PACSIN2: variants seen among roughly 807,000 people sequenced by gnomAD.
The protein encoded by PACSIN2 is protein kinase C and casein kinase substrate in neurons 2, also known as protein kinase C and casein kinase substrate in neurons protein 2.
In PACSIN2, 25 loss-of-function variants were observed where a neutral mutation model predicts 63.8. The ratio of observed to expected loss-of-function variants is 0.39; its 90% CI spans 0.29 to 0.55. PACSIN2 has a LOEUF of 0.55. Ranked by LOEUF, PACSIN2 falls within the 20% of genes least tolerant of loss-of-function variation. The pLI is 0.62. For missense variants in PACSIN2, 518 were observed against 646.9 expected, an observed-to-expected ratio of 0.80 and a Z score of 2.16; for synonymous variants, 255 against 256.2, an observed-to-expected ratio of 1.00 and a Z score of 0.05.
chr22:42,915,516 C>T (rs1223300661), intron 1 of PACSIN2, among the ~76,000 whole-genome samples: 2 of 152,174 alleles, frequency 1.3e-5, no homozygotes, highest in Non-Finnish European at 2.9e-5. Context: ...GCGTACCCCA[C>T]GGGTATCCCC....
chr22:42,946,897 C>G (rs1453502560), intron 1 of PACSIN2: 1 of 152,296 alleles, frequency 6.6e-6, no homozygotes, highest in African/African-American at 2.4e-5. Flanking sequence ...GTCCGGGTAC[C>G]TGCGCTTCCC....
At chr22:42,964,626 TGGCACAGGGCA>T (rs1920938062) in intron 1 of PACSIN2, among the ~76,000 whole-genome samples, 1 of 152,038 alleles carries the variant, frequency 6.6e-6, no homozygotes, top group Admixed American at 6.5e-5. Context: ...CCTGGCAGCC[TGGCACAGGGCA>T]GGCTCTACAG....
At chr22:42,960,359 T>A (rs1934087397) in intron 1 of PACSIN2, among the ~76,000 whole-genome samples, 1 of 152,120 alleles carries the variant, frequency 6.6e-6, no homozygotes, top group Non-Finnish European at 1.5e-5. Flanking sequence ...AACAAGGCAA[T>A]GCCTGTCAGC....
intron 1 of PACSIN2, among the ~76,000 whole-genome samples, chr22:42,956,673 G>T (rs1025659592): frequency 9.9e-5 from 15 of 152,132 alleles, no homozygotes; most frequent in African/African-American, 3.6e-4. Context: ...CTGGAGAGCT[G>T]CCCTGGACAG....
intron 1 of PACSIN2, among the ~76,000 whole-genome samples, chr22:42,951,846 C>A (rs1373709908): frequency 6.7e-6 from 1 of 148,518 alleles, no homozygotes; most frequent in Non-Finnish European, 1.5e-5. Context: ...GCCAGTCTCG[C>A]TCCTTCCAAT....
At chr22:43,001,294 G>C (rs1469993018) in intron 1 of PACSIN2, among the ~76,000 whole-genome samples, 1 of 152,196 alleles carries the variant, frequency 6.6e-6, no homozygotes, top group Non-Finnish European at 1.5e-5. Context: ...GATGACCAGA[G>C]GCTTCCATGA....
chr22:42,939,147 C>T (rs150734907), intron 1 of PACSIN2, among the ~76,000 whole-genome samples: 3 of 152,276 alleles, frequency 2.0e-5, no homozygotes, highest in East Asian at 1.9e-4. Flanking sequence ...GAGCTAACAG[C>T]GTGTAATTAG....
intron 5 of PACSIN2, among the ~76,000 whole-genome samples, chr22:42,887,372 C>T (rs988893446): frequency 3.3e-5 from 5 of 152,332 alleles, no homozygotes; most frequent in Admixed American, 6.5e-5. Context: ...CTGGATGGCA[C>T]GTGACTTAAC....
At chr22:42,920,981 A>C (rs1266908983) in intron 1 of PACSIN2, among the ~76,000 whole-genome samples, 1 of 151,656 alleles carries the variant, frequency 6.6e-6, no homozygotes, top group Non-Finnish European at 1.5e-5. Context: ...TTTCCAGTAG[A>C]GACGGGGTTT....
At chr22:42,927,751 C>T (rs1932632458) in intron 1 of PACSIN2, among the ~76,000 whole-genome samples, 2 of 150,086 alleles carry the variant, frequency 1.3e-5, no homozygotes, top group South Asian at 4.2e-4. Context: ...CCACGTCTGG[C>T]TAATTTTGTA....
Position 42,891,067 on chromosome 22 carries a change from C to G in PACSIN2, c.333G>C (p.Lys111Asn). ...AGGCTTCCTTCTGCCAGTTCTTGAT[C>G]TTCTCGAAGTCATCGTTCATCAGTG... The part of the protein sequence containing the change: ...KASLMNDDFE[K>N]IKNWQKEAFH... The change falls in exon 4 of 11, where the codon AAG becomes AAC. Residue 111 changes from lysine (K) to asparagine (N), a missense_variant. Coordinates refer to ENST00000263246, the MANE Select transcript of PACSIN2 (RefSeq NM_001184970.3). 6.2e-7 allele frequency: 1 copy of G among 1,614,204 alleles called. No homozygotes were observed. Among genetic ancestry groups the G allele is most frequent in the Non-Finnish European group, 8.5e-7 (1 of 1,180,040 alleles).
intron 1 of PACSIN2, among the ~76,000 whole-genome samples, chr22:42,951,363 CTCT>C (rs1010743992): frequency 1.3e-5 from 2 of 152,126 alleles, no homozygotes; most frequent in Non-Finnish European, 2.9e-5. Context: ...GCTCAGCCTC[CTCT>C]TCTCTGTGCA....
chr22:43,011,845 C>T (rs1315646093), intron 1 of PACSIN2, among the ~76,000 whole-genome samples: 4 of 152,130 alleles, frequency 2.6e-5, no homozygotes, highest in African/African-American at 9.7e-5. Context: ...AACCCCATCT[C>T]TATTAAAAAT....
At chr22:43,009,863 C>CTTTTT (rs762256300) in intron 1 of PACSIN2, among the ~76,000 whole-genome samples, 23 of 131,810 alleles carry the variant, frequency 1.7e-4, no homozygotes, top group Admixed American at 3.2e-4. Flanking sequence ...TTTATTTTTT[C>CTTTTT]TATTTTTTTT....
chr22:42,927,801 G>A (rs1000342505), intron 1 of PACSIN2, among the ~76,000 whole-genome samples: 4 of 151,920 alleles, frequency 2.6e-5, no homozygotes, highest in African/African-American at 9.7e-5. Context: ...TGGTCAGGCT[G>A]GTCTCGAATT....
intron 1 of PACSIN2, among the ~76,000 whole-genome samples, chr22:42,917,512 G>C (rs928985007): frequency 1.3e-5 from 2 of 152,200 alleles, no homozygotes. Flanking sequence ...CTACTCAGGA[G>C]GCTGAGGCGA....
chr22:43,015,107 G>C lies in PACSIN2; in HGVS notation c.-164C>G, dbSNP rs950984841. Reference sequence around the variant, plus strand: ...GGGCTCCCGCTACCGCTTTTGCTCCGGCAGCACTGCCCAGCCCTGCCCAGA... The same window carrying C: ...GGGCTCCCGCTACCGCTTTTGCTCCCGCAGCACTGCCCAGCCCTGCCCAGA... On this transcript the variant is annotated 5_prime_UTR_variant, in exon 1 of 11. Coordinates refer to ENST00000263246, the MANE Select transcript of PACSIN2 (RefSeq NM_001184970.3). The C allele has an allele frequency of 6.5e-6, 1 of 152,716 alleles. No homozygotes were observed. The highest frequency in any genetic ancestry group is 2.1e-4 in the South Asian group (1 of 4,830). The allele number at this position is 152,716 out of a possible 1,614,324, so 9.5% of individuals were successfully genotyped here.
At chr22:42,970,895 C>T (rs1365309361) in intron 1 of PACSIN2, among the ~76,000 whole-genome samples, 1 of 152,156 alleles carries the variant, frequency 6.6e-6, no homozygotes, top group South Asian at 2.1e-4. Flanking sequence ...CCCCACGCCA[C>T]CCACAGCTGT....
intron 7 of PACSIN2, among the ~76,000 whole-genome samples, chr22:42,880,351 T>C (rs576045671): frequency 2.0e-5 from 3 of 152,346 alleles, no homozygotes; most frequent in African/African-American, 7.2e-5. Flanking sequence ...CAAAATAGAT[T>C]GACTGAGAAC....
Sources: allele counts gnomAD v4.1 joint callset (sites outside exome capture counted in the v4.1 genomes callset), GRCh38; gene constraint gnomAD v4.1.1; transcripts MANE v1.5; gene names NCBI Gene and HGNC (gene_info 2026-07-23, HGNC 2026-07-21).